Variants in SKP1 observed in about 807,000 individuals in gnomAD.
The protein encoded by SKP1 is S-phase kinase associated protein 1.
Under a neutral mutation model 21.5 loss-of-function variants are expected in SKP1, and 1 was observed. The ratio of observed to expected loss-of-function variants is 0.05; its 90% CI spans 0.02 to 0.22. SKP1 has a LOEUF of 0.22. SKP1 is among the 10% of genes least tolerant of loss of function. The pLI is 1.00. For synonymous variants in SKP1, 59 were observed against 59.3 expected (o/e 0.99, Z 0.03); for missense variants, 70 against 192.0 (o/e 0.36, Z 3.76).
In SKP1 at chr5:134,167,209, T is replaced by A. The variant is rs779006213; in HGVS notation, c.132A>T (p.Pro44=). ...LGMDDEGDDD[P]VPLPNVNAAI... is the part of the protein sequence containing the mutation. ...CTGCATTCACATTTGGTAGAGGAAC[T>A]GGGTCATCATCTCCTTCATCATCCA... Residue 44 remains proline (P), a synonymous_variant, in exon 3 of 6, where the codon CCA becomes CCT. Coordinates refer to ENST00000353411, the MANE Select transcript of SKP1 (RefSeq NM_170679.3). 2 of 1,608,194 alleles carry A rather than the reference T, an allele frequency of 1.2e-6. No individual in the cohort carries two copies. The highest frequency in any genetic ancestry group is 1.7e-6 in the Non-Finnish European group (2 of 1,174,924).
At chr5:134,171,786 T>C (rs554512318) in intron 2 of SKP1, among the ~76,000 whole-genome samples, 1 of 152,368 alleles carries the variant, frequency 6.6e-6, no homozygotes, top group South Asian at 2.1e-4. Flanking sequence ...GGCTCATGCC[T>C]GTAATTCCAG....
intron 3 of SKP1, among the ~76,000 whole-genome samples, chr5:134,165,762 T>C (rs577616850): frequency 1.1e-3 from 173 of 151,882 alleles, no homozygotes; most frequent in African/African-American, 3.5e-3. Flanking sequence ...GGCGAGTGCC[T>C]GTAATCCCAG....
chr5:134,170,199 C>T (rs910688960), intron 2 of SKP1, among the ~76,000 whole-genome samples: 2 of 149,592 alleles, frequency 1.3e-5, no homozygotes, highest in East Asian at 1.9e-4. Flanking sequence ...AAAATAAAGG[C>T]TTTTATGACT....
rs1176590702 is a variant in SKP1 at position 134,150,461 on chromosome 5, G to C, written c.*7272C>G. ...CATCCGTTTCTCAGAAAACAGCACAGAACAGAAGGGGTAAGGGTAACAAGG... is the reference window on the plus strand; with the variant it reads ...CATCCGTTTCTCAGAAAACAGCACACAACAGAAGGGGTAAGGGTAACAAGG... On this transcript the variant is annotated 3_prime_UTR_variant, in exon 6 of 6. Transcript: ENST00000353411. The C allele has an allele frequency of 6.6e-6, 1 of 152,196 alleles. No individual in the cohort carries two copies. The highest frequency in any genetic ancestry group is 1.5e-5 in the Non-Finnish European group (1 of 68,038). 9.4% of individuals were successfully genotyped at this position (152,196 alleles called of 1,614,324 possible). A position where few individuals can be genotyped will look rare whatever the true frequency, so the allele number is the denominator to read the frequency against.
chr5:134,166,445 G>A (rs1350099738), intron 3 of SKP1, among the ~76,000 whole-genome samples: 2 of 151,546 alleles, frequency 1.3e-5, no homozygotes, highest in Non-Finnish European at 2.9e-5. Context: ...GCTGGGCATG[G>A]TGGCGTGTGC....
At chr5:134,174,295 T>C (rs1761498593) in intron 1 of SKP1, among the ~76,000 whole-genome samples, 1 of 152,244 alleles carries the variant, frequency 6.6e-6, no homozygotes, top group Non-Finnish European at 1.5e-5. Context: ...TAATAAAACA[T>C]ACATATTTGT....
At chr5:134,163,083 T>C (rs1157248010) in intron 3 of SKP1, among the ~76,000 whole-genome samples, 3 of 151,626 alleles carry the variant, frequency 2.0e-5, no homozygotes, top group Non-Finnish European at 4.4e-5. Flanking sequence ...GGACTGGTGG[T>C]GCACACCTAT....
chr5:134,159,947 T>C (rs902930767), intron 4 of SKP1, among the ~76,000 whole-genome samples: 1 of 151,834 alleles, frequency 6.6e-6, no homozygotes, highest in African/African-American at 2.4e-5. Flanking sequence ...CCTCCCAAAG[T>C]GTTGGGATCA....
At chr5:134,174,894 A>C (rs1163585034) in intron 1 of SKP1, 1 of 152,192 alleles carries the variant, frequency 6.6e-6, no homozygotes, top group Non-Finnish European at 1.5e-5. Flanking sequence ...AAAACATACA[A>C]ACAAGGAAAA....
At chr5:134,158,157 T>C (rs1405360334) in intron 5 of SKP1, 3 of 1,378,958 alleles carry the variant, frequency 2.2e-6, no homozygotes, top group African/African-American at 1.5e-5. Context: ...GCTTTTCTGA[T>C]GTCAGATATG....
At chr5:134,169,261 T>A (rs1313850087) in intron 2 of SKP1, among the ~76,000 whole-genome samples, 1 of 152,120 alleles carries the variant, frequency 6.6e-6, no homozygotes, top group African/African-American at 2.4e-5. Flanking sequence ...CAAAAATAAT[T>A]CATGTTATCT....
At chr5:134,160,960 G>C (rs1217944088) in intron 4 of SKP1, 27 bp downstream of exon 4, 1 of 1,562,642 alleles carries the variant, frequency 6.4e-7, no homozygotes, top group Admixed American at 1.7e-5. Flanking sequence ...CTCTAGAGTA[G>C]AGCTATCTTA....
intron 2 of SKP1, 94 bp from the exon 3 acceptor site, chr5:134,167,337 T>G (rs1262585150): frequency 6.4e-6 from 5 of 784,268 alleles, no homozygotes; most frequent in Non-Finnish European, 1.1e-5. Flanking sequence ...TCAGCCCCCA[T>G]ATCCATGAGT....
At chr5:134,161,291 T>C (rs1247687922) in intron 3 of SKP1, 161 bp from the exon 4 acceptor site, 4 of 578,530 alleles carry the variant, frequency 6.9e-6, no homozygotes, top group Non-Finnish European at 1.2e-5. Context: ...TGAAGAATCA[T>C]TATAACCCTA....
intron 5 of SKP1, 194 bp downstream of exon 5, chr5:134,158,261 T>G (rs1477636753): frequency 2.0e-6 from 3 of 1,467,096 alleles, no homozygotes; most frequent in Non-Finnish European, 2.7e-6. Context: ...GTTCTTATGC[T>G]TAAAATGCAG....
chr5:134,157,847 T>C (rs1761147081), intron 5 of SKP1, 79 bp from the exon 6 acceptor site: 2 of 1,611,378 alleles, frequency 1.2e-6, no homozygotes, highest in African/African-American at 1.3e-5. Flanking sequence ...TACTGATTCA[T>C]CGATAGCCAG....
rs903605493 is a variant in SKP1, at chr5:134,151,969, G to T, written c.*5764C>A. 4.1e-6 allele frequency: 1 copy of T among 241,812 alleles called. No homozygotes were observed. The highest frequency in any genetic ancestry group is 8.6e-6 in the Non-Finnish European group (1 of 116,186). The allele number at this position is 241,812 out of a possible 1,614,324, so 15.0% of individuals were successfully genotyped here. On this transcript the variant is annotated 3_prime_UTR_variant, in exon 6 of 6. Transcript: ENST00000353411. ...GATAACATTCAGCCAATCCTGCTTAGGTGTCCAAATGGCTCAATCTTGGGC... is the reference window on the plus strand; with the variant it reads ...GATAACATTCAGCCAATCCTGCTTATGTGTCCAAATGGCTCAATCTTGGGC...
chr5:134,172,782 G>A (rs1761467781), intron 2 of SKP1, among the ~76,000 whole-genome samples: 1 of 152,034 alleles, frequency 6.6e-6, no homozygotes, highest in East Asian at 1.9e-4. Flanking sequence ...GGAGCCTCAG[G>A]CGGGTGGATC....
rs967973728 is a variant in SKP1, at chr5:134,151,507, T to C, written c.*6226A>G. On this transcript the variant is annotated 3_prime_UTR_variant, in exon 6 of 6. Coordinates refer to ENST00000353411, the MANE Select transcript of SKP1 (RefSeq NM_170679.3). ...AGGAAAGAAAGGACAAATAAGAATT[T>C]TCACCAGATAGGTGGGAGGTATTCA... 23 of 323,370 alleles carry C rather than the reference T, an allele frequency of 7.1e-5. No homozygotes were observed. The highest frequency in any genetic ancestry group is 1.9e-5 in the Non-Finnish European group (3 of 159,382). 20.0% of individuals were successfully genotyped at this position (323,370 alleles called of 1,614,324 possible). A position where few individuals can be genotyped will look rare whatever the true frequency, so the allele number is the denominator to read the frequency against.
Sources: allele counts gnomAD v4.1 joint callset (sites outside exome capture counted in the v4.1 genomes callset), GRCh38; gene constraint gnomAD v4.1.1; transcripts MANE v1.5; gene names NCBI Gene and HGNC (gene_info 2026-07-23, HGNC 2026-07-21).